The following UMPS variants were observed in gnomAD, a reference collection of about 807,000 sequenced individuals.
The protein encoded by UMPS is uridine monophosphate synthetase, also known as uridine 5'-monophosphate synthase.
A neutral mutation model predicts 38.9 loss-of-function variants in UMPS; 21 were observed. That is an observed-to-expected ratio of 0.54 (90% CI 0.38 to 0.78). The LOEUF (loss-of-function observed/expected upper bound fraction) is 0.78. Among genes scored for constraint, UMPS ranks in the 30% least tolerant of loss-of-function variants. The pLI is 0.00. For missense variants in UMPS, 533 were observed against 591.6 expected (o/e 0.90, Z 1.03); for synonymous variants, 208 against 219.3 (o/e 0.95, Z 0.45).
intron 1 of UMPS, 98 bp downstream of exon 1, chr3:124,730,725 A>G: frequency 6.9e-7 from 1 of 1,444,022 alleles, no homozygotes; most frequent in Non-Finnish European, 9.4e-7. Flanking sequence ...GTGAGAGCAA[A>G]AGAGCCAAGC....
In UMPS at chr3:124,748,528, C is replaced by T. The variant is rs1579144915; in HGVS notation, c.*4444C>T. 2.2e-6 allele frequency: 1 copy of T among 454,098 alleles called. No homozygotes were observed. Among genetic ancestry groups the T allele is most frequent in the East Asian group, 6.9e-5 (1 of 14,398 alleles). The allele number at this position is 454,098 out of a possible 1,614,324, so 28.1% of individuals were successfully genotyped here. Reference sequence around the variant, plus strand: ...AGCACATTTGCCTAGCCCTTTCCTTCCCACCAAGGGGGAAAGTCTTCCTCT... The same window carrying T: ...AGCACATTTGCCTAGCCCTTTCCTTTCCACCAAGGGGGAAAGTCTTCCTCT... On this transcript the variant is annotated 3_prime_UTR_variant, in exon 6 of 6. Coordinates refer to ENST00000232607, the MANE Select transcript of UMPS (RefSeq NM_000373.4).
chr3:124,733,007 A>G (rs538351002), intron 1 of UMPS, among the ~76,000 whole-genome samples: 107 of 110,796 alleles, frequency 9.7e-4, no homozygotes, highest in African/African-American at 4.9e-3. Flanking sequence ...TATTTTGGTG[A>G]TTAACTGGGG....
In UMPS at chr3:124,744,919, T is replaced by A. The variant is rs1163512794; in HGVS notation, c.*835T>A. The A allele has an allele frequency of 2.2e-6, 1 of 453,858 alleles. No individual in the cohort carries two copies. Among genetic ancestry groups the A allele is most frequent in the Admixed American group, 2.4e-5 (1 of 42,550 alleles). 28.1% of individuals were successfully genotyped at this position (453,858 alleles called of 1,614,324 possible). ...TGCTCACTCTCCAAAGAGGGGAAGG[T>A]GGGGAAGGGGAAGGTGACTATAGCT... On this transcript the variant is annotated 3_prime_UTR_variant, in exon 6 of 6. Coordinates refer to ENST00000232607, the MANE Select transcript of UMPS (RefSeq NM_000373.4).
In UMPS at chr3:124,745,941, C is replaced by T. The variant is rs2063593365; in HGVS notation, c.*1857C>T. On this transcript the variant is annotated 3_prime_UTR_variant, in exon 6 of 6. Transcript: ENST00000232607. ...AAACAGGTACCAGCCCCACCCGCAG[C>T]GTTTCTGACTCTGGGTAGCTCTGGG... The T allele has an allele frequency of 2.2e-6, 1 of 453,984 alleles. No homozygotes were observed. The highest frequency in any genetic ancestry group is 2.0e-5 in the African/African-American group (1 of 50,006). 28.1% of individuals were successfully genotyped at this position (453,984 alleles called of 1,614,324 possible). A position where few individuals can be genotyped will look rare whatever the true frequency, so the allele number is the denominator to read the frequency against.
chr3:124,741,308 G>A (rs1436614419), intron 4 of UMPS, among the ~76,000 whole-genome samples: 1 of 152,062 alleles, frequency 6.6e-6, no homozygotes, highest in East Asian at 1.9e-4. Context: ...TCGAAGTACC[G>A]AGGCTGGAGT....
intron 1 of UMPS, among the ~76,000 whole-genome samples, chr3:124,734,414 C>G (rs1389169079): frequency 6.6e-6 from 1 of 152,096 alleles, no homozygotes; most frequent in Non-Finnish European, 1.5e-5. Flanking sequence ...GGATATATAA[C>G]TAAAAGATGA....
In UMPS at chr3:124,739,316, CAAG is replaced by C. The variant is rs1328668784; in HGVS notation, c.983-702_983-700del. On this transcript the variant is annotated intron_variant, in intron 3 of 5. Transcript: ENST00000232607. Reference sequence around the variant, plus strand: ...CTGCAGAGTGAAAACTTGTCATCTTCAAGAAGAATTTTATTTTTATTATTATTT... The same window carrying C: ...CTGCAGAGTGAAAACTTGTCATCTTCAAGAATTTTATTTTTATTATTATTT... Among the ~76,000 whole-genome samples, 14 of 152,222 alleles carry C rather than the reference CAAG, an allele frequency of 9.2e-5. No individual in the cohort carries two copies. The East Asian group carries it at 2.7e-3, about 29-fold the overall frequency.
At position 124,745,577 on chromosome 3, in the gene UMPS, A is replaced by G. The variant is rs749242146; in HGVS notation, c.*1493A>G. 33 of 453,944 alleles carry G rather than the reference A, an allele frequency of 7.3e-5. 2 individuals are homozygous for G. The highest frequency in any genetic ancestry group is 6.8e-4 in the Middle Eastern group (1 of 1,466). The allele number at this position is 453,944 out of a possible 1,614,324, so 28.1% of individuals were successfully genotyped here. On this transcript the variant is annotated 3_prime_UTR_variant, in exon 6 of 6. Transcript: ENST00000232607. ...TTTTTACTTCAAGAGCTTCTGCTCT[A>G]AAGTCCAATTTGGGCTTCATGTCCC...
In UMPS at chr3:124,735,244, A is replaced by G; in HGVS notation, c.308A>G (p.Tyr103Cys). The change falls in exon 2 of 6, where the codon TAT (tyrosine) becomes TGT (cysteine). Residue 103 changes from tyrosine (Y) to cysteine (C), a missense_variant and splice_region_variant. Tyr to Cys is a radical substitution (Grantham distance 194). Coordinates refer to ENST00000232607, the MANE Select transcript of UMPS (RefSeq NM_000373.4). ...ATTAGAAGGAAAGAAACAAAGGATT[A>G]TGGTAAAATAAAAGTAACATAAAGC... The part of the protein sequence containing the change: ...MLIRRKETKD[Y>C]GTKRLVEGTI... The G allele has an allele frequency of 1.2e-6, 2 of 1,611,542 alleles. No individual in the cohort carries two copies. The highest frequency in any genetic ancestry group is 2.2e-5 in the East Asian group (1 of 44,846).
intron 1 of UMPS, among the ~76,000 whole-genome samples, chr3:124,734,568 C>T (rs2150893789): frequency 6.6e-6 from 1 of 152,252 alleles, no homozygotes; most frequent in Non-Finnish European, 1.5e-5. Flanking sequence ...TGAATAGATT[C>T]ATTCTTGTGT....
intron 2 of UMPS, among the ~76,000 whole-genome samples, 164 bp from the exon 3 acceptor site, chr3:124,737,404 A>G (rs1276982307): frequency 1.3e-5 from 2 of 152,236 alleles, no homozygotes; most frequent in Admixed American, 1.3e-4. Context: ...GGCTTTATAC[A>G]TAAATATACT....
chr3:124,746,347 G>GGC lies in UMPS; in HGVS notation c.*2265_*2266dup, dbSNP rs1190700782. The stretch of plus-strand genomic sequence containing the variant: ...GATTTGTGGTTTGCCCAGCAGCCTG[G>GGC]GCGTGTGCATTTCTAATGGGTGCCT... On this transcript the variant is annotated 3_prime_UTR_variant, in exon 6 of 6. Coordinates refer to ENST00000232607, the MANE Select transcript of UMPS (RefSeq NM_000373.4). 1 of 454,092 alleles carries GGC rather than the reference G, an allele frequency of 2.2e-6. No individual in the cohort carries two copies. The allele number at this position is 454,092 out of a possible 1,614,324, so 28.1% of individuals were successfully genotyped here. A position where few individuals can be genotyped will look rare whatever the true frequency, so the allele number is the denominator to read the frequency against.
chr3:124,742,584 G>A lies in UMPS; in HGVS notation c.1273+318G>A, dbSNP rs145432286. Reference sequence around the variant, plus strand: ...ACTCTGTACTTATAAGCCCTTATTCGTAAGCCCTAATAATTGTTTGACTAG... The same window carrying A: ...ACTCTGTACTTATAAGCCCTTATTCATAAGCCCTAATAATTGTTTGACTAG... On this transcript the variant is annotated intron_variant, in intron 5 of 5. Coordinates refer to ENST00000232607, the MANE Select transcript of UMPS (RefSeq NM_000373.4). 7.8e-5 allele frequency: 22 copies of A among 281,954 alleles called. No homozygotes were observed. The East Asian group carries it at 1.1e-3, about 14-fold the overall frequency. The allele number at this position is 281,954 out of a possible 1,614,324, so 17.5% of individuals were successfully genotyped here.
intron 1 of UMPS, 83 bp downstream of exon 1, chr3:124,730,710 CGTGA>C: frequency 6.6e-7 from 1 of 1,518,906 alleles, no homozygotes; most frequent in Non-Finnish European, 8.9e-7. Context: ...GGAGTTGGGC[CGTGA>C]GTGAGAGCAA....
At position 124,737,958 on chromosome 3, in the gene UMPS, C is replaced by A. The variant is rs558144411; in HGVS notation, c.701C>A (p.Pro234His). The stretch of plus-strand genomic sequence containing the variant: ...AGCTTCGGTGCACGTGCAGAGCTGC[C>A]CAGGATCCACCCAGTTGCATCGAAG... ...ELSFGARAEL[P>H]RIHPVASKLL... Residue 234 changes from proline (P) to histidine (H), a missense_variant, in exon 3 of 6, where the codon CCC (proline) becomes CAC (histidine). By Grantham distance (77) the Pro-to-His change is moderately conservative. Transcript: ENST00000232607. 45 of 1,614,134 alleles carry A rather than the reference C, an allele frequency of 2.8e-5. No individual in the cohort carries two copies. In the Admixed American group the frequency reaches 7.5e-4, roughly 27 times the overall value.
intron 1 of UMPS, chr3:124,731,617 G>C (rs1365142209): frequency 3.6e-6 from 1 of 276,186 alleles, no homozygotes; most frequent in African/African-American, 2.3e-5. Context: ...GAGCACAGGG[G>C]CTCATGCCTG....
intron 5 of UMPS, among the ~76,000 whole-genome samples, chr3:124,743,069 C>T (rs1179242140): frequency 3.3e-5 from 5 of 152,164 alleles, no homozygotes; most frequent in South Asian, 2.1e-4. Context: ...TGCGGGGGCT[C>T]ACGCTCGTAA....
intron 2 of UMPS, chr3:124,737,350 T>A: frequency 5.4e-6 from 3 of 553,286 alleles, no homozygotes; most frequent in Non-Finnish European, 9.6e-6. Context: ...TGATTTACTA[T>A]AAATATACTG....
intron 5 of UMPS, 47 bp downstream of exon 5, chr3:124,742,313 C>T (rs747455833): frequency 7.3e-7 from 1 of 1,364,102 alleles, no homozygotes; most frequent in East Asian, 2.3e-5. Flanking sequence ...GCTTCTTTAC[C>T]CATGGCAGGC....
Sources: gnomAD v4.1 joint callset for allele counts (sites outside exome capture counted in the v4.1 genomes callset) on GRCh38, gnomAD v4.1.1 for gene constraint, MANE v1.5 for transcripts, NCBI Gene and HGNC (gene_info 2026-07-23, HGNC 2026-07-21) for gene names.